Variants in MAMDC2 observed in about 807,000 individuals in gnomAD.
MAMDC2 encodes MAM domain containing 2, also known as MAM domain-containing protein 2.
In MAMDC2, 57 loss-of-function variants were observed where a neutral mutation model predicts 89.8. That is an observed-to-expected ratio of 0.63 (90% CI 0.51 to 0.79). The LOEUF (loss-of-function observed/expected upper bound fraction) is 0.79, where lower values mean the gene tolerates loss of function less well. MAMDC2 is among the 30% of genes least tolerant of loss of function. The probability of loss-of-function intolerance (pLI) is 0.00; values close to 1 mark genes in which losing one functional copy is unlikely to be tolerated. For synonymous variants in MAMDC2, 313 were observed against 293.4 expected (o/e 1.07, Z -0.68); for missense variants, 800 against 820.6 (o/e 0.97, Z 0.31).
intron 2 of MAMDC2, among the ~76,000 whole-genome samples, chr9:70,090,242 G>T (rs1827861705): frequency 6.6e-6 from 1 of 151,958 alleles, no homozygotes. Flanking sequence ...AGAGGCTGAG[G>T]CAGAAGGATC....
chr9:70,215,460 C>T (rs1163604140), intron 11 of MAMDC2, among the ~76,000 whole-genome samples: 1 of 152,204 alleles, frequency 6.6e-6, no homozygotes, highest in Non-Finnish European at 1.5e-5. Flanking sequence ...TTGAAGTTGA[C>T]TGGATGTCAA....
Position 70,203,179 on chromosome 9 carries a change from T to G in MAMDC2, c.1652-15158T>G, listed in dbSNP as rs1318236659. ...TGGTCTTTACATTTTGGCATGATTT[T>G]GCAGCGGCTGGTACCGGTTGTTCCT... On this transcript the variant is annotated intron_variant, in intron 11 of 13. Transcript: ENST00000377182. 3.9e-5 allele frequency among the ~76,000 whole-genome samples: 6 copies of G among 152,128 alleles called. No homozygotes were observed. In the Middle Eastern group the frequency reaches 0.01, roughly 260 times the overall value.
At chr9:70,066,825 G>A (rs567789974) in intron 2 of MAMDC2, among the ~76,000 whole-genome samples, 6 of 152,298 alleles carry the variant, frequency 3.9e-5, no homozygotes, top group African/African-American at 1.2e-4. Flanking sequence ...TCTTATTAAG[G>A]ATATATTTGA....
chr9:70,044,526 G>A (rs960518449), intron 1 of MAMDC2, 58 bp from the exon 2 acceptor site: 18 of 1,390,104 alleles, frequency 1.3e-5, no homozygotes, highest in African/African-American at 2.9e-5. Context: ...GGGGCTCCCC[G>A]AGTTGGTGCA....
At chr9:70,184,528 T>C (rs1179279003) in intron 11 of MAMDC2, among the ~76,000 whole-genome samples, 1 of 152,298 alleles carries the variant, frequency 6.6e-6, no homozygotes, top group East Asian at 1.9e-4. Flanking sequence ...CAATCAGTCA[T>C]AGATTTGGTC....
Position 70,168,531 on chromosome 9 carries a change from A to G in MAMDC2, c.1405-171A>G, listed in dbSNP as rs114811233. ...ATAATAAAAGTAATTCCAGGGTTTT[A>G]TGCAGATGGTAACCATTCTTCTTCC... is the stretch of plus-strand genomic sequence containing the variant. On this transcript the variant is annotated intron_variant, in intron 9 of 13. Transcript: ENST00000377182. 7.7e-4 allele frequency: 444 copies of G among 578,344 alleles called. 2 individuals are homozygous for G. The highest frequency in any genetic ancestry group is 7.5e-3 in the African/African-American group (400 of 53,410). The allele number at this position is 578,344 out of a possible 1,614,324, so 35.8% of individuals were successfully genotyped here.
intron 9 of MAMDC2, among the ~76,000 whole-genome samples, chr9:70,150,849 G>A (rs915083432): frequency 6.6e-6 from 1 of 152,156 alleles, no homozygotes; most frequent in East Asian, 1.9e-4. Context: ...ACTCCAGAGA[G>A]AGACAGAGAG....
intron 11 of MAMDC2, among the ~76,000 whole-genome samples, chr9:70,173,101 C>T (rs1418323059): frequency 6.6e-6 from 1 of 152,068 alleles, no homozygotes; most frequent in Non-Finnish European, 1.5e-5. Flanking sequence ...TCTCTTTCTA[C>T]CTCTTTGAGC....
At chr9:70,216,308 A>G (rs548706040) in intron 11 of MAMDC2, 6 of 152,316 alleles carry the variant, frequency 3.9e-5, no homozygotes, top group South Asian at 2.1e-4. Flanking sequence ...TGGAGGCTGG[A>G]AAGTCCAACA....
At chr9:70,058,385 A>G (rs1232018296) in intron 2 of MAMDC2, among the ~76,000 whole-genome samples, 1 of 152,212 alleles carries the variant, frequency 6.6e-6, no homozygotes, top group African/African-American at 2.4e-5. Flanking sequence ...CTCTGTTTAC[A>G]TCCTCTCTTG....
chr9:70,217,717 T>C, intron 11 of MAMDC2: 1 of 1,329,894 alleles, frequency 7.5e-7, no homozygotes, highest in African/African-American at 1.5e-5. Context: ...TTTAAAAAAA[T>C]TACAGAGTAT....
At chr9:70,202,626 C>G (rs1264749931) in intron 11 of MAMDC2, among the ~76,000 whole-genome samples, 1 of 144,300 alleles carries the variant, frequency 6.9e-6, no homozygotes, top group African/African-American at 2.6e-5. Flanking sequence ...CTTTCTGTCT[C>G]GTTGATCTGT....
intron 2 of MAMDC2, among the ~76,000 whole-genome samples, chr9:70,089,491 T>C (rs1221906848): frequency 6.6e-6 from 1 of 152,092 alleles, no homozygotes; most frequent in East Asian, 1.9e-4. Flanking sequence ...TGCACTCTAG[T>C]AGGGACTGGC....
intron 11 of MAMDC2, among the ~76,000 whole-genome samples, chr9:70,206,077 G>C (rs775391399): frequency 2.0e-5 from 3 of 152,172 alleles, no homozygotes; most frequent in Non-Finnish European, 4.4e-5. Context: ...TTATGTTTAG[G>C]TAAGATGTTT....
intron 11 of MAMDC2, among the ~76,000 whole-genome samples, chr9:70,197,361 C>T (rs2032991835): frequency 6.6e-6 from 1 of 152,062 alleles, no homozygotes; most frequent in African/African-American, 2.4e-5. Context: ...AAATCATTCA[C>T]ACGGCAAGAT....
At chr9:70,203,050 T>C (rs2033137371) in intron 11 of MAMDC2, among the ~76,000 whole-genome samples, 1 of 152,198 alleles carries the variant, frequency 6.6e-6, no homozygotes, top group African/African-American at 2.4e-5. Context: ...ATTTAGCCCA[T>C]TTATATTTAA....
intron 11 of MAMDC2, chr9:70,175,730 A>G (rs2032477996): frequency 6.6e-6 from 1 of 152,168 alleles, no homozygotes; most frequent in Non-Finnish European, 1.5e-5. Context: ...TGGGTGGCTT[A>G]AACATTAGAA....
chr9:70,177,594 C>G (rs2032537357), intron 11 of MAMDC2, among the ~76,000 whole-genome samples: 2 of 152,260 alleles, frequency 1.3e-5, no homozygotes, highest in South Asian at 4.1e-4. Flanking sequence ...ACATCCTTTC[C>G]ACAACCTGTA....
At chr9:70,125,326 TTTGA>T (rs1470262599) in intron 5 of MAMDC2, among the ~76,000 whole-genome samples, 1 of 152,202 alleles carries the variant, frequency 6.6e-6, no homozygotes, top group East Asian at 1.9e-4. Flanking sequence ...GAGGAAAGTA[TTTGA>T]TTGTCATTCT....
Sources: gnomAD v4.1 joint callset for allele counts (sites outside exome capture counted in the v4.1 genomes callset) on GRCh38, gnomAD v4.1.1 for gene constraint, MANE v1.5 for transcripts, NCBI Gene and HGNC (gene_info 2026-07-23, HGNC 2026-07-21) for gene names.